Variants in CSMD1 observed in about 807,000 individuals in gnomAD.
The protein encoded by CSMD1 is CUB and Sushi multiple domains 1, also known as CUB and sushi domain-containing protein 1.
Under a neutral mutation model 417.5 loss-of-function variants are expected in CSMD1, and 213 were observed. The observed-to-expected ratio is 0.51, with a 90% CI of 0.46 to 0.57. The LOEUF is 0.57. Among genes scored for constraint, CSMD1 ranks in the 20% least tolerant of loss-of-function variants. CSMD1 has a pLI of 0.00. For missense variants in CSMD1, 6,923 were observed against 4,529.7 expected, an observed-to-expected ratio of 1.53 and a Z score of -15.17; for synonymous variants, 2,862 against 1,736.8, an observed-to-expected ratio of 1.65 and a Z score of -16.11.
chr8:3,414,293 T>C (rs1380647653), intron 12 of CSMD1, among the ~76,000 whole-genome samples: 2 of 142,116 alleles, frequency 1.4e-5, no homozygotes, highest in African/African-American at 2.6e-5. Context: ...GATTTGATAA[T>C]GAAGGGGCCT....
intron 3 of CSMD1, among the ~76,000 whole-genome samples, chr8:4,219,937 T>A (rs902564977): frequency 1.3e-5 from 2 of 151,898 alleles, no homozygotes; most frequent in Non-Finnish European, 2.9e-5. Flanking sequence ...CTCAAGATAA[T>A]TTTTTAAAAA....
Position 3,696,144 on chromosome 8 carries a change from T to C in CSMD1, c.1009+12270A>G, listed in dbSNP as rs117427519. Among the ~76,000 whole-genome samples the C allele has an allele frequency of 8.5e-4, 129 of 152,330 alleles. No homozygotes were observed. The East Asian group carries it at 9.1e-3, about 11-fold the overall frequency. ...CACTTGAAGCCATGGTTTTCCCAGA[T>C]ACATAATGAACGTATCTTCTTCGGA... On this transcript the variant is annotated intron_variant, in intron 7 of 69. Coordinates refer to ENST00000635120, the MANE Select transcript of CSMD1 (RefSeq NM_033225.6).
intron 26 of CSMD1, among the ~76,000 whole-genome samples, chr8:3,277,454 G>C (rs192673769): frequency 5.6e-4 from 86 of 152,246 alleles, no homozygotes; most frequent in African/African-American, 1.9e-3. Flanking sequence ...GCACAGGTTG[G>C]GAGAATTGGA....
intron 3 of CSMD1, among the ~76,000 whole-genome samples, chr8:4,301,763 A>G (rs1017657331): frequency 2.6e-5 from 4 of 152,140 alleles, no homozygotes; most frequent in African/African-American, 9.7e-5. Flanking sequence ...CTGCCTCCTT[A>G]AACCTAGTTA....
chr8:4,469,684 G>C (rs1364870180), intron 2 of CSMD1, among the ~76,000 whole-genome samples: 1 of 152,028 alleles, frequency 6.6e-6, no homozygotes, highest in African/African-American at 2.4e-5. Flanking sequence ...GGGAACTCTT[G>C]TCATCACAGG....
At chr8:3,210,182 A>G (rs1321316739) in intron 30 of CSMD1, among the ~76,000 whole-genome samples, 2 of 152,134 alleles carry the variant, frequency 1.3e-5, no homozygotes, top group Middle Eastern at 3.2e-3. Flanking sequence ...TTCATGCACA[A>G]ATGTGCTGCT....
At position 3,323,672 on chromosome 8, in the gene CSMD1, G is replaced by A; in HGVS notation, c.3632-15169C>T. 1.3e-5 allele frequency among the ~76,000 whole-genome samples: 2 copies of A among 152,206 alleles called. 1 individual carries two copies. The highest frequency in any genetic ancestry group is 2.9e-5 in the Non-Finnish European group (2 of 68,036). On this transcript the variant is annotated intron_variant, in intron 23 of 69. Coordinates refer to ENST00000635120, the MANE Select transcript of CSMD1 (RefSeq NM_033225.6). ...AGAAGAAACACATGACCTGGGATAT[G>A]ACAGATGAAGCAGCAGGTAAGTAGC...
At chr8:4,228,813 AG>A (rs952926097) in intron 3 of CSMD1, among the ~76,000 whole-genome samples, 1 of 151,882 alleles carries the variant, frequency 6.6e-6, no homozygotes, top group Non-Finnish European at 1.5e-5. Context: ...CATCCCAAGT[AG>A]CTGGGACTTC....
intron 1 of CSMD1, among the ~76,000 whole-genome samples, chr8:4,774,691 G>A (rs1337496365): frequency 1.3e-5 from 2 of 152,076 alleles, no homozygotes; most frequent in African/African-American, 2.4e-5. Context: ...ATTGGCTCAT[G>A]GGGGTGGATC....
chr8:3,184,806 T>G (rs1036149948), intron 36 of CSMD1, among the ~76,000 whole-genome samples: 1 of 152,180 alleles, frequency 6.6e-6, no homozygotes, highest in Non-Finnish European at 1.5e-5. Flanking sequence ...CCTTGACTCC[T>G]TACTTCACAT....
At chr8:3,040,895 T>C (rs1811046080) in intron 50 of CSMD1, among the ~76,000 whole-genome samples, 1 of 152,232 alleles carries the variant, frequency 6.6e-6, no homozygotes, top group Non-Finnish European at 1.5e-5. Flanking sequence ...TATTTTCATA[T>C]AAAACATTTA....
chr8:3,839,038 TTA>T (rs1233988354), intron 5 of CSMD1, among the ~76,000 whole-genome samples: 1 of 128,106 alleles, frequency 7.8e-6, no homozygotes, highest in African/African-American at 2.8e-5. Context: ...TATATATTTA[TTA>T]TATATATAAA....
rs1401969703 is a variant in CSMD1, at chr8:4,096,519, G to GA, written c.416-64421dup. Among the ~76,000 whole-genome samples, 7 of 152,230 alleles carry GA rather than the reference G, an allele frequency of 4.6e-5. 1 individual carries two copies. In the South Asian group the frequency reaches 1.0e-3, roughly 23 times the overall value. Reference sequence around the variant, plus strand: ...TTATGAGACAGCCAATGACTACTTAGAAAAAACTGAGAATGTTAAATCCTT... The same window carrying GA: ...TTATGAGACAGCCAATGACTACTTAGAAAAAAACTGAGAATGTTAAATCCTT... On this transcript the variant is annotated intron_variant, in intron 3 of 69. Transcript: ENST00000635120.
intron 3 of CSMD1, among the ~76,000 whole-genome samples, chr8:4,243,302 G>A (rs1353333795): frequency 6.6e-6 from 1 of 152,072 alleles, no homozygotes; most frequent in African/African-American, 2.4e-5. Context: ...TCATGGTAAA[G>A]GCTCTTGGCT....
At chr8:3,460,511 A>C (rs1183711301) in intron 12 of CSMD1, among the ~76,000 whole-genome samples, 1 of 152,052 alleles carries the variant, frequency 6.6e-6, no homozygotes. Context: ...TGTGTGAGCA[A>C]AATAGAAGAG....
intron 3 of CSMD1, among the ~76,000 whole-genome samples, chr8:4,219,896 C>T (rs1026813859): frequency 3.3e-5 from 5 of 152,074 alleles, no homozygotes; most frequent in East Asian, 1.9e-4. Context: ...CAGGTGGAAA[C>T]GATGTACTTG....
intron 5 of CSMD1, among the ~76,000 whole-genome samples, chr8:3,974,009 C>T (rs1228853632): frequency 6.6e-6 from 1 of 152,148 alleles, no homozygotes; most frequent in Non-Finnish European, 1.5e-5. Context: ...CAATTACACT[C>T]TTTAAGTTAC....
intron 3 of CSMD1, among the ~76,000 whole-genome samples, chr8:4,211,202 G>C (rs1418740270): frequency 2.7e-5 from 4 of 146,318 alleles, no homozygotes; most frequent in Non-Finnish European, 6.1e-5. Flanking sequence ...AAAGTCATTT[G>C]CCTTTTTTTT....
At chr8:4,411,738 T>G (rs892454595) in intron 3 of CSMD1, among the ~76,000 whole-genome samples, 2 of 152,226 alleles carry the variant, frequency 1.3e-5, no homozygotes, top group Non-Finnish European at 2.9e-5. Context: ...TTTGTACATA[T>G]AGACGTTCAC....
Sources: gnomAD v4.1 joint callset for allele counts (sites outside exome capture counted in the v4.1 genomes callset) on GRCh38, gnomAD v4.1.1 for gene constraint, MANE v1.5 for transcripts, NCBI Gene and HGNC (gene_info 2026-07-23, HGNC 2026-07-21) for gene names.